Variants in PLCB4 observed in about 807,000 individuals in gnomAD.
PLCB4 encodes the protein phospholipase C beta 4.
A neutral mutation model predicts 178.8 loss-of-function variants in PLCB4; 77 were observed. The observed-to-expected ratio is 0.43, with a 90% CI of 0.36 to 0.52. The LOEUF (loss-of-function observed/expected upper bound fraction) is 0.52, where lower values mean the gene tolerates loss of function less well. PLCB4 is among the 20% of genes least tolerant of loss of function. PLCB4 has a pLI of 0.00. For missense variants in PLCB4, 1,024 were observed against 1,453.4 expected (o/e 0.70, Z 4.80); for synonymous variants, 496 against 490.8 (o/e 1.01, Z -0.14).
chr20:9,209,963 CAAAA>C (rs58424232), intron 2 of PLCB4, among the ~76,000 whole-genome samples: 4 of 47,938 alleles, frequency 8.3e-5, no homozygotes, highest in Non-Finnish European at 1.2e-4. Context: ...GACTCTGTCT[CAAAA>C]AAAAAAAAAA....
At chr20:9,346,825 G>T (rs942744386) in intron 7 of PLCB4, among the ~76,000 whole-genome samples, 11 of 152,168 alleles carry the variant, frequency 7.2e-5, no homozygotes, top group Non-Finnish European at 5.9e-5. Context: ...CTATTGCTGG[G>T]TTGAGTTTAC....
intron 3 of PLCB4, among the ~76,000 whole-genome samples, chr20:9,286,626 G>A (rs377064530): frequency 4.9e-4 from 75 of 152,066 alleles, no homozygotes; most frequent in African/African-American, 1.7e-3. Flanking sequence ...GTATCTTGAG[G>A]TACTACATCT....
At chr20:9,417,292 C>T (rs1257547422) in intron 25 of PLCB4, among the ~76,000 whole-genome samples, 1 of 152,160 alleles carries the variant, frequency 6.6e-6, no homozygotes, top group East Asian at 1.9e-4. Context: ...ACCCCGTGGA[C>T]ATGAGGGGCA....
At chr20:9,197,309 G>A (rs1311240153) in intron 2 of PLCB4, among the ~76,000 whole-genome samples, 1 of 152,018 alleles carries the variant, frequency 6.6e-6, no homozygotes, top group African/African-American at 2.4e-5. Flanking sequence ...GTCCAATATG[G>A]GCACCACTTG....
intron 36 of PLCB4, 64 bp from the exon 37 acceptor site, chr20:9,472,726 A>G (rs2044270974): frequency 4.5e-6 from 4 of 883,934 alleles, no homozygotes; most frequent in Non-Finnish European, 5.4e-6. Context: ...GCTCTTTATT[A>G]TTTGATATAA....
intron 3 of PLCB4, among the ~76,000 whole-genome samples, chr20:9,306,261 A>G (rs2094764507): frequency 6.6e-6 from 1 of 152,044 alleles, no homozygotes; most frequent in Non-Finnish European, 1.5e-5. Flanking sequence ...GCCTGCCATC[A>G]CATCCAGCTA....
rs888226637 is a variant in PLCB4, at chr20:9,307,743, C to A, written c.-15-57C>A. The A allele has an allele frequency of 5.6e-6, 4 of 713,372 alleles. No individual in the cohort carries two copies. The Admixed American group carries it at 8.0e-5, about 14-fold the overall frequency. 44.2% of individuals were successfully genotyped at this position (713,372 alleles called of 1,614,324 possible). A position where few individuals can be genotyped will look rare whatever the true frequency, so the allele number is the denominator to read the frequency against. On this transcript the variant is annotated intron_variant, in intron 3 of 39. Coordinates refer to ENST00000378473, the MANE Select transcript of PLCB4 (RefSeq NM_001377142.1). ...AACACAGAAATGCGAAGTGATTAAC[C>A]ATCCTCAATTGTTTTTTCATTTTAT...
chr20:9,304,266 G>C (rs898941422), intron 3 of PLCB4, among the ~76,000 whole-genome samples: 2 of 151,780 alleles, frequency 1.3e-5, no homozygotes, highest in African/African-American at 4.8e-5. Flanking sequence ...TAATTTCCAT[G>C]TATATAGATG....
At chr20:9,255,617 T>A (rs2094226331) in intron 3 of PLCB4, among the ~76,000 whole-genome samples, 1 of 151,828 alleles carries the variant, frequency 6.6e-6, no homozygotes, top group South Asian at 2.1e-4. Flanking sequence ...TTTATCCCAC[T>A]TAGAGTGAAT....
At chr20:9,199,428 G>T (rs577408183) in intron 2 of PLCB4, among the ~76,000 whole-genome samples, 1 of 152,142 alleles carries the variant, frequency 6.6e-6, no homozygotes, top group Non-Finnish European at 1.5e-5. Context: ...CCTAAAGGAC[G>T]GTACGTTGAG....
At chr20:9,127,062 CAA>C (rs973598978) in intron 2 of PLCB4, among the ~76,000 whole-genome samples, 7 of 152,104 alleles carry the variant, frequency 4.6e-5, no homozygotes, top group African/African-American at 1.7e-4. Context: ...TTACTTTCCA[CAA>C]AAGAGAGTGG....
At chr20:9,258,133 T>C (rs957882356) in intron 3 of PLCB4, among the ~76,000 whole-genome samples, 1 of 152,178 alleles carries the variant, frequency 6.6e-6, no homozygotes, top group African/African-American at 2.4e-5. Context: ...CACACACAGA[T>C]GTTTTAATTT....
intron 1 of PLCB4, among the ~76,000 whole-genome samples, chr20:9,080,030 TAA>T (rs568622726): frequency 1.7e-4 from 26 of 152,290 alleles, no homozygotes; most frequent in African/African-American, 6.0e-4. Flanking sequence ...TAATATTTTA[TAA>T]AAATATTTTA....
At chr20:9,298,691 A>G (rs750081687) in intron 3 of PLCB4, among the ~76,000 whole-genome samples, 2 of 152,098 alleles carry the variant, frequency 1.3e-5, no homozygotes, top group Non-Finnish European at 2.9e-5. Context: ...AATATCACCT[A>G]ATAAATTTAT....
chr20:9,083,360 TACACACACACACACTCATAC>T (rs2090248790), intron 1 of PLCB4, among the ~76,000 whole-genome samples: 1 of 129,774 alleles, frequency 7.7e-6, no homozygotes, highest in African/African-American at 2.7e-5. Context: ...TCTCTTTCTC[TACACACACACACACTCATAC>T]ACACACACAC....
At chr20:9,191,570 A>G (rs979252083) in intron 2 of PLCB4, among the ~76,000 whole-genome samples, 2 of 151,966 alleles carry the variant, frequency 1.3e-5, no homozygotes, top group African/African-American at 4.8e-5. Context: ...GACTAACACA[A>G]TCAGTGGTTA....
intron 3 of PLCB4, among the ~76,000 whole-genome samples, chr20:9,235,366 C>T (rs533510743): frequency 6.6e-6 from 1 of 152,260 alleles, no homozygotes; most frequent in East Asian, 1.9e-4. Flanking sequence ...GGGTGTTGAC[C>T]TCACCTGTGC....
At chr20:9,120,008 G>A (rs1015609444) in intron 2 of PLCB4, among the ~76,000 whole-genome samples, 3 of 152,188 alleles carry the variant, frequency 2.0e-5, no homozygotes, top group Non-Finnish European at 4.4e-5. Context: ...CACATGACCT[G>A]GCAGTTCCCC....
intron 3 of PLCB4, among the ~76,000 whole-genome samples, chr20:9,234,987 A>G (rs564691154): frequency 1.5e-3 from 232 of 152,318 alleles, no homozygotes; most frequent in Non-Finnish European, 2.1e-3. Flanking sequence ...TAGAGAATGA[A>G]GTGTAACCAT....
Sources: gnomAD v4.1 joint callset for allele counts (sites outside exome capture counted in the v4.1 genomes callset) on GRCh38, gnomAD v4.1.1 for gene constraint, MANE v1.5 for transcripts, NCBI Gene and HGNC (gene_info 2026-07-23, HGNC 2026-07-21) for gene names.